ENTPD1: variants seen among roughly 807,000 people sequenced by gnomAD.
The protein encoded by ENTPD1 is ATP diphosphohydrolase.
Under a neutral mutation model 57.0 loss-of-function variants are expected in ENTPD1, and 33 were observed. The ratio of observed to expected loss-of-function variants is 0.58; its 90% confidence interval spans 0.44 to 0.77. The LOEUF is 0.77. Ranked by LOEUF, ENTPD1 falls within the 30% of genes least tolerant of loss-of-function variation. The pLI is 0.00. For synonymous variants in ENTPD1, 202 were observed against 218.8 expected (o/e 0.92, Z 0.68); for missense variants, 501 against 603.4 (o/e 0.83, Z 1.78).
At chr10:95,845,020 A>G (rs1396196927) in intron 5 of ENTPD1, among the ~76,000 whole-genome samples, 2 of 152,200 alleles carry the variant, frequency 1.3e-5, no homozygotes, top group East Asian at 3.9e-4. Flanking sequence ...TCCCCATTTT[A>G]GAGCCCCATA....
chr10:95,837,194 G>A (rs575606830), intron 2 of ENTPD1, among the ~76,000 whole-genome samples: 11 of 152,270 alleles, frequency 7.2e-5, no homozygotes, highest in South Asian at 4.1e-4. Context: ...AATGACTTTC[G>A]TATCAACAAT....
chr10:95,696,072 G>A, the ENTPD1 span, among the ~76,000 whole-genome samples: 8 of 152,144 alleles, frequency 5.3e-5, no homozygotes, highest in Non-Finnish European at 1.0e-4. Flanking sequence ...ATTTATTAGC[G>A]TTGGCAAAAG....
chr10:95,868,833 C>A lies in ENTPD1; in HGVS notation c.*2450C>A. 1 of 985,264 alleles carries A rather than the reference C, an allele frequency of 1.0e-6. No individual in the cohort carries two copies. The allele number at this position is 985,264 out of a possible 1,614,324, so 61.0% of individuals were successfully genotyped here. A position where few individuals can be genotyped will look rare whatever the true frequency, so the allele number is the denominator to read the frequency against. ...TATTCCATTCCTGTTTGGTTGCCTA[C>A]GTCCAATCTCCCCCTCCCCAGAGAT... On this transcript the variant is annotated 3_prime_UTR_variant, in exon 10 of 10. Coordinates refer to ENST00000371205, the MANE Select transcript of ENTPD1 (RefSeq NM_001776.6).
intron 1 of ENTPD1, among the ~76,000 whole-genome samples, chr10:95,817,187 A>G (rs1334399824): frequency 6.6e-6 from 1 of 151,870 alleles, no homozygotes; most frequent in African/African-American, 2.4e-5. Context: ...CTCAGAAAAG[A>G]CTCTCCAGTG....
intron 1 of ENTPD1, chr10:95,756,528 T>A (rs76405210): frequency 2.3e-6 from 1 of 434,432 alleles, no homozygotes; most frequent in Non-Finnish European, 4.1e-6. Context: ...TTGGTTTTTT[T>A]AGAGGCAAAT....
At position 95,868,993 on chromosome 10, in the gene ENTPD1, C is replaced by T. The variant is rs1255067595; in HGVS notation, c.*2610C>T. 2 of 985,188 alleles carry T rather than the reference C, an allele frequency of 2.0e-6. No homozygotes were observed. The highest frequency in any genetic ancestry group is 2.4e-6 in the Non-Finnish European group (2 of 829,930). The allele number at this position is 985,188 out of a possible 1,614,324, so 61.0% of individuals were successfully genotyped here. On this transcript the variant is annotated 3_prime_UTR_variant, in exon 10 of 10. Coordinates refer to ENST00000371205, the MANE Select transcript of ENTPD1 (RefSeq NM_001776.6). ...AAGGTTGGTTTAGAGGCAGATCCAGCAATCTGCTTTGGGCCACTCTGGGTG... is the reference window on the plus strand; with the variant it reads ...AAGGTTGGTTTAGAGGCAGATCCAGTAATCTGCTTTGGGCCACTCTGGGTG...
chr10:95,839,389 T>G, intron 2 of ENTPD1: 1 of 399,096 alleles, frequency 2.5e-6, no homozygotes, highest in Non-Finnish European at 4.7e-6. Flanking sequence ...CAGCATGTGG[T>G]TCTGAATCTT....
intron 1 of ENTPD1, among the ~76,000 whole-genome samples, chr10:95,794,958 G>A (rs185406466): frequency 1.3e-5 from 2 of 152,246 alleles, no homozygotes; most frequent in South Asian, 2.1e-4. Context: ...CAGGACATAC[G>A]GGCTAGATAA....
chr10:95,804,721 T>C (rs2098265080), intron 1 of ENTPD1, among the ~76,000 whole-genome samples: 3 of 152,194 alleles, frequency 2.0e-5, no homozygotes, highest in Non-Finnish European at 4.4e-5. Context: ...CTATGTTGAA[T>C]AGGAGTGGTG....
chr10:95,871,081 C>G lies in ENTPD1; in HGVS notation c.*4698C>G. 1.0e-6 allele frequency: 1 copy of G among 985,402 alleles called. No individual in the cohort carries two copies. The highest frequency in any genetic ancestry group is 1.2e-6 in the Non-Finnish European group (1 of 829,932). The allele number at this position is 985,402 out of a possible 1,614,324, so 61.0% of individuals were successfully genotyped here. On this transcript the variant is annotated 3_prime_UTR_variant, in exon 10 of 10. Transcript: ENST00000371205. ...TTGGTCAGGATGGGGTCTCCTGTCACTTCTGTCACAGGCTATTGTAAGTCA... is the reference window on the plus strand; with the variant it reads ...TTGGTCAGGATGGGGTCTCCTGTCAGTTCTGTCACAGGCTATTGTAAGTCA...
chr10:95,734,537 C>T (rs1002107321), intron 1 of ENTPD1, among the ~76,000 whole-genome samples: 1 of 152,172 alleles, frequency 6.6e-6, no homozygotes, highest in Non-Finnish European at 1.5e-5. Context: ...GAGCTTCTTC[C>T]AGCTGGGCAG....
At chr10:95,719,383 T>C (rs1181118393) in intron 1 of ENTPD1, among the ~76,000 whole-genome samples, 1 of 152,204 alleles carries the variant, frequency 6.6e-6, no homozygotes, top group Non-Finnish European at 1.5e-5. Context: ...GGTATTGGCT[T>C]TCTGAGTTTC....
chr10:95,830,824 A>G (rs922552475), intron 2 of ENTPD1, among the ~76,000 whole-genome samples: 1 of 152,132 alleles, frequency 6.6e-6, no homozygotes, highest in Non-Finnish European at 1.5e-5. Context: ...AAAAAAGCCC[A>G]GGGACTGATA....
At chr10:95,845,248 A>C (rs2098432514) in intron 5 of ENTPD1, 109 bp from the exon 6 acceptor site, 1 of 1,510,258 alleles carries the variant, frequency 6.6e-7, no homozygotes, top group East Asian at 2.3e-5. Context: ...GCTTTGCCTC[A>C]CCTTTATGCC....
intron 1 of ENTPD1, among the ~76,000 whole-genome samples, chr10:95,817,194 A>G (rs912610360): frequency 6.6e-6 from 1 of 152,296 alleles, no homozygotes; most frequent in Middle Eastern, 3.4e-3. Context: ...AAGACTCTCC[A>G]GTGCTGAGCC....
chr10:95,762,151 C>T (rs531204780), intron 1 of ENTPD1, among the ~76,000 whole-genome samples: 17 of 140,528 alleles, frequency 1.2e-4, no homozygotes, highest in African/African-American at 3.2e-4. Flanking sequence ...TGCCCTGTTA[C>T]ACAAAGAGGT....
At chr10:95,794,455 G>T (rs573126045) in intron 1 of ENTPD1, among the ~76,000 whole-genome samples, 1 of 152,110 alleles carries the variant, frequency 6.6e-6, no homozygotes, top group African/African-American at 2.4e-5. Flanking sequence ...AACCCTGGCT[G>T]CACTTGGCAC....
intron 1 of ENTPD1, among the ~76,000 whole-genome samples, chr10:95,780,885 A>G (rs185819759): frequency 1.7e-4 from 26 of 152,316 alleles, no homozygotes; most frequent in African/African-American, 5.5e-4. Context: ...GTGCATGCAT[A>G]TGATCCAGCA....
intron 1 of ENTPD1, chr10:95,756,857 G>A (rs1009610750): frequency 6.6e-6 from 1 of 152,620 alleles, no homozygotes; most frequent in East Asian, 1.9e-4. Flanking sequence ...GACGGGGACG[G>A]GTAGAGGGAG....
Sources: allele counts gnomAD v4.1 joint callset (sites outside exome capture counted in the v4.1 genomes callset), GRCh38; gene constraint gnomAD v4.1.1; transcripts MANE v1.5; gene names NCBI Gene and HGNC (gene_info 2026-07-23, HGNC 2026-07-21).